Variants in ARAP2 observed in about 807,000 individuals in gnomAD.
ARAP2 encodes the protein ArfGAP with RhoGAP domain, ankyrin repeat and PH domain 2, also known as arf-GAP with Rho-GAP domain, ANK repeat and PH domain-containing protein 2.
A neutral mutation model predicts 194.5 loss-of-function variants in ARAP2; 148 were observed. The observed-to-expected ratio is 0.76, with a 90% CI of 0.67 to 0.87. The LOEUF (loss-of-function observed/expected upper bound fraction) is 0.87, where lower values mean the gene tolerates loss of function less well. ARAP2 is among the 40% of genes least tolerant of loss of function. The pLI is 0.00. For missense variants in ARAP2, 2,128 were observed against 1,989.7 expected (o/e 1.07, Z -1.32); for synonymous variants, 695 against 683.5 (o/e 1.02, Z -0.26).
chr4:36,084,075 A>G (rs1230544600), intron 28 of ARAP2, among the ~76,000 whole-genome samples: 1 of 152,064 alleles, frequency 6.6e-6, no homozygotes, highest in Non-Finnish European at 1.5e-5. Flanking sequence ...GCCTTCAGTC[A>G]CAGATTGAAG....
chr4:36,162,454 G>A (rs1262027566), intron 11 of ARAP2, among the ~76,000 whole-genome samples: 2 of 152,040 alleles, frequency 1.3e-5, no homozygotes, highest in Admixed American at 1.3e-4. Flanking sequence ...TCATCATTCA[G>A]TCATCACTGA....
intron 3 of ARAP2, among the ~76,000 whole-genome samples, chr4:36,050,745 AC>A (rs1488255667): frequency 6.6e-6 from 1 of 152,176 alleles, no homozygotes; most frequent in Non-Finnish European, 1.5e-5. Context: ...ACAACTGAGT[AC>A]CCCCACAAAG....
intron 6 of ARAP2, among the ~76,000 whole-genome samples, chr4:36,206,448 C>G (rs1745555001): frequency 6.6e-6 from 1 of 152,212 alleles, no homozygotes. Flanking sequence ...TATCTCAACC[C>G]TCAAGTACAT....
At chr4:36,201,522 C>CT (rs1363496580) in intron 6 of ARAP2, among the ~76,000 whole-genome samples, 2 of 152,052 alleles carry the variant, frequency 1.3e-5, no homozygotes, top group Admixed American at 6.5e-5. Context: ...ATTTAAGAAG[C>CT]TTTTTTCGAA....
chr4:36,146,367 C>T (rs760044309), intron 19 of ARAP2, among the ~76,000 whole-genome samples: 2 of 152,032 alleles, frequency 1.3e-5, no homozygotes, highest in Non-Finnish European at 2.9e-5. Context: ...AACTGAGCAG[C>T]TTCCCATCAT....
downstream of ARAP2, among the ~76,000 whole-genome samples, chr4:36,061,461 C>T (rs934426428): frequency 1.3e-5 from 2 of 152,172 alleles, no homozygotes; most frequent in African/African-American, 4.8e-5. Context: ...GTTCACTTAG[C>T]ATATTGACCT....
intron 2 of ARAP2, among the ~76,000 whole-genome samples, chr4:36,217,522 AAAAT>A (rs1335392299): frequency 2.0e-5 from 3 of 152,318 alleles, no homozygotes; most frequent in Non-Finnish European, 2.9e-5. Flanking sequence ...CAGCGTCTCA[AAAAT>A]AAATAAATAA....
chr4:36,095,642 G>A (rs1368757177), intron 27 of ARAP2, among the ~76,000 whole-genome samples: 2 of 152,132 alleles, frequency 1.3e-5, no homozygotes, highest in Non-Finnish European at 2.9e-5. Flanking sequence ...TGTGCCACAC[G>A]TAGAAATCAT....
chr4:36,102,486 A>G (rs1212343668), intron 27 of ARAP2, among the ~76,000 whole-genome samples: 1 of 152,046 alleles, frequency 6.6e-6, no homozygotes, highest in Non-Finnish European at 1.5e-5. Flanking sequence ...AGTTTATTCA[A>G]TATGTACTTT....
chr4:36,145,007 C>T (rs1371162940), intron 19 of ARAP2, among the ~76,000 whole-genome samples: 4 of 151,920 alleles, frequency 2.6e-5, no homozygotes, highest in African/African-American at 9.6e-5. Flanking sequence ...AATAATCTTG[C>T]ACTATTATAC....
At chr4:36,175,160 T>A (rs921852709) in intron 9 of ARAP2, among the ~76,000 whole-genome samples, 3 of 152,216 alleles carry the variant, frequency 2.0e-5, no homozygotes, top group Non-Finnish European at 4.4e-5. Flanking sequence ...GGTTCAAATC[T>A]CACATCACTT....
chr4:36,156,459 AAG>A, intron 15 of ARAP2, among the ~76,000 whole-genome samples: 1 of 32,114 alleles, frequency 3.1e-5, no homozygotes, highest in African/African-American at 1.4e-4. Context: ...GAAAGAAAGA[AAG>A]AAAGAAATGA....
chr4:36,129,934 C>A (rs1247148420), intron 20 of ARAP2, among the ~76,000 whole-genome samples: 1 of 151,832 alleles, frequency 6.6e-6, no homozygotes, highest in African/African-American at 2.4e-5. Flanking sequence ...CACCTTCCAC[C>A]CCCACCATGT....
At chr4:36,058,901 A>C (rs1723961004) in intron 1 of ARAP2, among the ~76,000 whole-genome samples, 1 of 152,214 alleles carries the variant, frequency 6.6e-6, no homozygotes, top group African/African-American at 2.4e-5. Context: ...ATGCCACTTC[A>C]TATGGCATGA....
chr4:36,068,160 T>C lies in ARAP2; in HGVS notation c.4862A>G (p.Asp1621Gly). 1 of 1,613,908 alleles carries C rather than the reference T, an allele frequency of 6.2e-7. No individual in the cohort carries two copies. The highest frequency in any genetic ancestry group is 8.5e-7 in the Non-Finnish European group (1 of 1,179,762). ...TTTTCGGGGTCGATTTCGAAGTTTA[T>C]CGTCCTTGTGCTCCAGGCAGTGGGC... The part of the protein sequence containing the change: ...MVAHCLEHKD[D>G]KLRNRPRKHR... Residue 1621 changes from aspartate (D) to glycine (G), a missense_variant, in exon 33 of 33, where the codon GAT becomes GGT. Asp to Gly is a moderately conservative substitution (Grantham distance 94, BLOSUM62 -1). Coordinates refer to ENST00000303965, the MANE Select transcript of ARAP2 (RefSeq NM_015230.4).
intron 6 of ARAP2, among the ~76,000 whole-genome samples, chr4:36,202,175 A>G (rs1394172554): frequency 1.3e-5 from 2 of 152,118 alleles, no homozygotes; most frequent in Admixed American, 6.5e-5. Flanking sequence ...ATACGTATTT[A>G]TTTTTATTTA....
At chr4:36,096,362 C>CAAAAAAAAAAAAAAAAAAA (rs10632831) in intron 27 of ARAP2, among the ~76,000 whole-genome samples, 1 of 80,994 alleles carries the variant, frequency 1.2e-5, no homozygotes, top group African/African-American at 6.7e-5. Context: ...GAGACTCTCT[C>CAAAAAAAAAAAAAAAAAAA]AAAAAAAAAA....
chr4:36,184,279 A>G (rs1255508804), intron 8 of ARAP2, among the ~76,000 whole-genome samples: 1 of 1,738 alleles, frequency 5.8e-4, no homozygotes, highest in Non-Finnish European at 9.4e-4. Context: ...GCATAAACAT[A>G]TATATATATA....
intron 1 of ARAP2, among the ~76,000 whole-genome samples, chr4:36,058,954 A>G (rs1577689430): frequency 6.6e-6 from 1 of 152,280 alleles, no homozygotes; most frequent in Admixed American, 6.5e-5. Flanking sequence ...AAGGTGGTCA[A>G]CATGTAGTTA....
Sources: gnomAD v4.1 joint callset for allele counts (sites outside exome capture counted in the v4.1 genomes callset) on GRCh38, gnomAD v4.1.1 for gene constraint, MANE v1.5 for transcripts, NCBI Gene and HGNC (gene_info 2026-07-23, HGNC 2026-07-21) for gene names.